The following KCNH8 variants were observed in gnomAD, a reference collection of about 807,000 sequenced individuals.
The protein encoded by KCNH8 is voltage-gated delayed rectifier potassium channel KCNH8.
A neutral mutation model predicts 103.6 loss-of-function variants in KCNH8; 70 were observed. The observed-to-expected ratio is 0.68, with a 90% CI of 0.56 to 0.82. KCNH8 has a LOEUF of 0.82. Among genes scored for constraint, KCNH8 ranks in the 40% least tolerant of loss-of-function variants. The pLI, the probability that KCNH8 is intolerant of heterozygous loss-of-function variation, is 0.00. For synonymous variants in KCNH8, 498 were observed against 489.4 expected (o/e 1.02, Z -0.23); for missense variants, 1,217 against 1,329.9 (o/e 0.92, Z 1.32).
chr3:19,431,371 C>T (rs901295022), intron 7 of KCNH8, among the ~76,000 whole-genome samples: 17 of 152,150 alleles, frequency 1.1e-4, no homozygotes, highest in African/African-American at 3.4e-4. Context: ...TGATGTGCTG[C>T]TGGATGCAGT....
rs184153459 is a variant in KCNH8 at position 19,470,980 on chromosome 3, T to C, written c.2040+13998T>C. Among the ~76,000 whole-genome samples, 160 of 152,328 alleles carry C rather than the reference T, an allele frequency of 1.1e-3. No individual in the cohort carries two copies. The Middle Eastern group carries it at 0.017, about 16-fold the overall frequency. On this transcript the variant is annotated intron_variant, in intron 11 of 15. Transcript: ENST00000328405. Reference sequence around the variant, plus strand: ...CTTGTTAGTCAAAGAGCACGACATATACCCTGCAAAGAGATCAACCACATT... The same window carrying C: ...CTTGTTAGTCAAAGAGCACGACATACACCCTGCAAAGAGATCAACCACATT...
chr3:19,393,318 T>G (rs1242713762), intron 6 of KCNH8, among the ~76,000 whole-genome samples: 1 of 152,062 alleles, frequency 6.6e-6, no homozygotes, highest in Non-Finnish European at 1.5e-5. Context: ...GCAAACATAA[T>G]TTCTTTAATG....
intron 1 of KCNH8, among the ~76,000 whole-genome samples, chr3:19,173,942 A>AT (rs2063373257): frequency 1.3e-5 from 2 of 150,572 alleles, no homozygotes; most frequent in East Asian, 1.9e-4. Context: ...GTCTTTATTG[A>AT]TTTTTTAATC....
chr3:19,517,868 G>T, intron 14 of KCNH8, 130 bp from the exon 15 acceptor site: 1 of 692,600 alleles, frequency 1.4e-6, no homozygotes, highest in Non-Finnish European at 2.5e-6. Context: ...CTAAAAGACA[G>T]TACAGTGCAC....
intron 1 of KCNH8, among the ~76,000 whole-genome samples, chr3:19,203,756 A>G (rs2125219562): frequency 6.6e-6 from 1 of 152,182 alleles, no homozygotes; most frequent in Non-Finnish European, 1.5e-5. Flanking sequence ...TTTCTAGACT[A>G]ATTTCTTACA....
intron 11 of KCNH8, among the ~76,000 whole-genome samples, chr3:19,492,043 G>GT (rs1282290357): frequency 2.6e-5 from 4 of 151,760 alleles, no homozygotes; most frequent in Non-Finnish European, 5.9e-5. Context: ...TTGTAAATTT[G>GT]TTTAAGTTTC....
chr3:19,304,627 C>T (rs1398303176), intron 3 of KCNH8, among the ~76,000 whole-genome samples: 1 of 151,818 alleles, frequency 6.6e-6, no homozygotes, highest in African/African-American at 2.4e-5. Flanking sequence ...GAGGAATCTT[C>T]CAGAAATTAG....
intron 1 of KCNH8, among the ~76,000 whole-genome samples, chr3:19,230,638 T>G (rs1214692984): frequency 6.6e-6 from 1 of 152,224 alleles, no homozygotes; most frequent in African/African-American, 2.4e-5. Flanking sequence ...AGGTATTTTT[T>G]ACATTAAAAC....
At chr3:19,517,947 A>G in intron 14 of KCNH8, 51 bp from the exon 15 acceptor site, 2 of 1,429,572 alleles carry the variant, frequency 1.4e-6, no homozygotes, top group Non-Finnish European at 2.0e-6. Context: ...CGATCCTCAA[A>G]TATAAGGTTT....
intron 3 of KCNH8, among the ~76,000 whole-genome samples, chr3:19,332,177 T>C (rs2065519701): frequency 6.6e-6 from 1 of 151,970 alleles, no homozygotes; most frequent in Non-Finnish European, 1.5e-5. Flanking sequence ...GCAATAAACA[T>C]TGCTTTGCTT....
intron 2 of KCNH8, among the ~76,000 whole-genome samples, chr3:19,271,366 A>G (rs566111218): frequency 2.6e-4 from 40 of 152,276 alleles, no homozygotes; most frequent in African/African-American, 8.7e-4. Context: ...TTTCAACTTA[A>G]TATTATGTTA....
intron 11 of KCNH8, among the ~76,000 whole-genome samples, chr3:19,470,762 G>A (rs190857680): frequency 6.6e-6 from 1 of 152,148 alleles, no homozygotes; most frequent in East Asian, 1.9e-4. Flanking sequence ...ATGAATTGTG[G>A]GTCTCCTTTG....
At position 19,201,939 on chromosome 3, in the gene KCNH8, A is replaced by G. The variant is rs561592835; in HGVS notation, c.77-51715A>G. Among the ~76,000 whole-genome samples, 18 of 152,316 alleles carry G rather than the reference A, an allele frequency of 1.2e-4. No homozygotes were observed. In the South Asian group the frequency reaches 2.9e-3, roughly 25 times the overall value. On this transcript the variant is annotated intron_variant, in intron 1 of 15. Coordinates refer to ENST00000328405, the MANE Select transcript of KCNH8 (RefSeq NM_144633.3). ...TCTACTGCTCTGAAAACAATGTACT[A>G]ATTTCCTTTTCATTCTAAAAACAGA...
At chr3:19,442,595 G>A (rs376128244) in intron 8 of KCNH8, among the ~76,000 whole-genome samples, 1 of 152,154 alleles carries the variant, frequency 6.6e-6, no homozygotes, top group African/African-American at 2.4e-5. Flanking sequence ...TTGAGCAAAT[G>A]TCCTGGTGCA....
At chr3:19,207,198 T>C (rs78460975) in intron 1 of KCNH8, among the ~76,000 whole-genome samples, 14,273 of 151,856 alleles carry the variant, frequency 0.094, 2,243 homozygotes, top group African/African-American at 0.32. Context: ...TCAAAGATAA[T>C]GAAGCATCAG....
chr3:19,495,667 G>C (rs753085095), intron 11 of KCNH8, among the ~76,000 whole-genome samples: 1 of 151,514 alleles, frequency 6.6e-6, no homozygotes, highest in Non-Finnish European at 1.5e-5. Flanking sequence ...TTTTGCTTAG[G>C]ATTGCCTTTG....
chr3:19,425,950 A>C (rs2067022650), intron 7 of KCNH8, among the ~76,000 whole-genome samples: 4 of 152,112 alleles, frequency 2.6e-5, no homozygotes, highest in Non-Finnish European at 5.9e-5. Context: ...AGAGAATAGA[A>C]ATAGGGCCAG....
chr3:19,283,315 T>TA (rs765337686), intron 3 of KCNH8, among the ~76,000 whole-genome samples: 1 of 152,182 alleles, frequency 6.6e-6, no homozygotes, highest in Non-Finnish European at 1.5e-5. Flanking sequence ...CCAATACATG[T>TA]ATTAAATTGT....
At chr3:19,208,289 A>G (rs2063736474) in intron 1 of KCNH8, among the ~76,000 whole-genome samples, 1 of 152,080 alleles carries the variant, frequency 6.6e-6, no homozygotes, top group African/African-American at 2.4e-5. Flanking sequence ...ATTTGTATTT[A>G]CTATCAGAAA....
Sources: gnomAD v4.1 joint callset for allele counts (sites outside exome capture counted in the v4.1 genomes callset) on GRCh38, gnomAD v4.1.1 for gene constraint, MANE v1.5 for transcripts, NCBI Gene and HGNC (gene_info 2026-07-23, HGNC 2026-07-21) for gene names.